Variants in CLMN observed in about 807,000 individuals in gnomAD.
The protein encoded by CLMN is calmin.
Under a neutral mutation model 92.7 loss-of-function variants are expected in CLMN, and 57 were observed. That is an observed-to-expected ratio of 0.61 (90% CI 0.50 to 0.77). CLMN has a LOEUF of 0.77. Among genes scored for constraint, CLMN ranks in the 30% least tolerant of loss-of-function variants. The probability of loss-of-function intolerance (pLI) is 0.00; values close to 1 mark genes in which losing one functional copy is unlikely to be tolerated. For missense variants in CLMN, 1,158 were observed against 1,237.5 expected, an observed-to-expected ratio of 0.94 and a Z score of 0.96; for synonymous variants, 466 against 470.6, an observed-to-expected ratio of 0.99 and a Z score of 0.13.
intron 8 of CLMN, 92 bp downstream of exon 8, chr14:95,209,303 C>T: frequency 8.6e-7 from 1 of 1,156,082 alleles, no homozygotes; most frequent in Non-Finnish European, 1.3e-6. Flanking sequence ...GCTAGTTACA[C>T]AGAGCAACGC....
chr14:95,203,232 T>C lies in CLMN; in HGVS notation c.2117A>G (p.Glu706Gly), dbSNP rs145305362. The change falls in exon 9 of 13, where the codon GAA (glutamate) becomes GGA (glycine). Residue 706 changes from glutamate (E) to glycine (G), a missense_variant. Glu to Gly is a moderately conservative substitution (Grantham distance 98). Coordinates refer to ENST00000298912, the MANE Select transcript of CLMN (RefSeq NM_024734.4). ...SLETLGSHSE[E>G]GLDFKPSPPL... ...TGGGGAGGGCTTGAAATCCAGGCCT[T>C]CTTCGCTGTGACTCCCAAGGGTCTC... is the stretch of plus-strand genomic sequence containing the variant. The C allele has an allele frequency of 6.2e-7, 1 of 1,613,720 alleles. No homozygotes were observed. Among genetic ancestry groups the C allele is most frequent in the African/African-American group, 1.3e-5 (1 of 74,880 alleles).
intron 3 of CLMN, among the ~76,000 whole-genome samples, chr14:95,223,485 C>A (rs1173932090): frequency 2.6e-5 from 4 of 152,058 alleles, no homozygotes; most frequent in Admixed American, 2.6e-4. Flanking sequence ...GGCTGGCTGG[C>A]TAAATTTTAA....
At chr14:95,276,177 G>T (rs989919664) in intron 1 of CLMN, among the ~76,000 whole-genome samples, 11 of 152,216 alleles carry the variant, frequency 7.2e-5, no homozygotes, top group Admixed American at 2.6e-4. Context: ...CTTTGGGTAA[G>T]TGTTTGGGTA....
chr14:95,295,821 G>A (rs1330436264), intron 1 of CLMN, among the ~76,000 whole-genome samples: 1 of 152,268 alleles, frequency 6.6e-6, no homozygotes, highest in Non-Finnish European at 1.5e-5. Flanking sequence ...CCAAAGTAAT[G>A]TGCACCCAAC....
intron 1 of CLMN, among the ~76,000 whole-genome samples, chr14:95,264,751 C>T (rs112017587): frequency 0.014 from 2,073 of 152,126 alleles, 60 homozygotes; most frequent in African/African-American, 0.046. Flanking sequence ...TCTGTGAAGT[C>T]GTTTTTTAGG....
intron 1 of CLMN, among the ~76,000 whole-genome samples, chr14:95,258,680 T>C (rs1288939315): frequency 7.0e-6 from 1 of 143,808 alleles, no homozygotes; most frequent in Non-Finnish European, 1.5e-5. Flanking sequence ...TATGTGTATA[T>C]GTGTGGTGTG....
chr14:95,318,977 G>A (rs889573177), intron 1 of CLMN, among the ~76,000 whole-genome samples: 1 of 152,076 alleles, frequency 6.6e-6, no homozygotes, highest in Non-Finnish European at 1.5e-5. Context: ...ATACCCAGCC[G>A]CTCTCCACCA....
chr14:95,190,747 C>A lies in CLMN; in HGVS notation c.*817G>T, dbSNP rs1896540647. 6.6e-6 allele frequency: 1 copy of A among 152,236 alleles called. No homozygotes were observed. The highest frequency in any genetic ancestry group is 2.4e-5 in the African/African-American group (1 of 41,442). 9.4% of individuals were successfully genotyped at this position (152,236 alleles called of 1,614,324 possible). On this transcript the variant is annotated 3_prime_UTR_variant, in exon 13 of 13. Transcript: ENST00000298912. ...AAGCTACCCCACCACCCAGCTCCAG[C>A]ACTGCTGGGAGCTGATTCCAGCCCA...
At position 95,319,774 on chromosome 14, in the gene CLMN, C is replaced by A. The variant is rs1184252322; in HGVS notation, c.19G>T (p.Asp7Tyr). The A allele has an allele frequency of 6.3e-7, 1 of 1,590,704 alleles. No homozygotes were observed. The highest frequency in any genetic ancestry group is 8.5e-7 in the Non-Finnish European group (1 of 1,173,472). The stretch of plus-strand genomic sequence containing the variant: ...ATGAGCTCCTCGCGTTGGAACCAGT[C>A]CCACTCGTGTGCAGCCATGAAGCGC... MAAHEW[D>Y]WFQREELIGQ... Residue 7 changes from aspartate to tyrosine, a missense_variant, in exon 1 of 13, where the codon GAC (aspartate) becomes TAC (tyrosine). Physicochemically the swap from Asp to Tyr is radical, Grantham distance 160. Transcript: ENST00000298912.
At chr14:95,293,863 T>TCTACGTGA (rs1206688052) in intron 1 of CLMN, among the ~76,000 whole-genome samples, 1 of 152,148 alleles carries the variant, frequency 6.6e-6, no homozygotes, top group African/African-American at 2.4e-5. Context: ...CTGGTGTTGT[T>TCTACGTGA]CTACGTGGTA....
At chr14:95,300,335 T>C (rs956690309) in intron 1 of CLMN, among the ~76,000 whole-genome samples, 1 of 152,232 alleles carries the variant, frequency 6.6e-6, no homozygotes, top group East Asian at 1.9e-4. Flanking sequence ...AGCCAACCTG[T>C]GGAGCCTCTT....
intron 1 of CLMN, among the ~76,000 whole-genome samples, chr14:95,242,250 C>CTTT (rs371417505): frequency 1.4e-4 from 13 of 92,586 alleles, no homozygotes; most frequent in Non-Finnish European, 2.3e-4. Flanking sequence ...TTTTCTTTTT[C>CTTT]TTTTTTTTTT....
chr14:95,256,064 C>A lies in CLMN; in HGVS notation c.83-25931G>T, dbSNP rs1028980083. Among the ~76,000 whole-genome samples, 1 of 152,200 alleles carries A rather than the reference C, an allele frequency of 6.6e-6. No individual in the cohort carries two copies. The highest frequency in any genetic ancestry group is 1.5e-5 in the Non-Finnish European group (1 of 68,038). ...GGAAACTGAGGCACAGAAAGCTTAA[C>A]GAACTTGCCTGCAGTCATACAGCTA... On this transcript the variant is annotated intron_variant, in intron 1 of 12. Transcript: ENST00000298912. The surrounding 1 kb of genome is among the most constrained non-coding windows in gnomAD (Gnocchi z 4.9).
intron 4 of CLMN, among the ~76,000 whole-genome samples, chr14:95,219,828 C>T (rs1161199535): frequency 6.6e-6 from 1 of 152,190 alleles, no homozygotes; most frequent in Non-Finnish European, 1.5e-5. Context: ...ATCCTATTCA[C>T]GCACTCAAAG....
chr14:95,233,063 G>A (rs1005543577), intron 1 of CLMN, among the ~76,000 whole-genome samples: 1 of 152,132 alleles, frequency 6.6e-6, no homozygotes, highest in African/African-American at 2.4e-5. Flanking sequence ...AGGCTGTCCC[G>A]GTTTATGCTT....
chr14:95,195,397 G>T (rs1209753408), intron 10 of CLMN, among the ~76,000 whole-genome samples: 7 of 152,204 alleles, frequency 4.6e-5, no homozygotes, highest in African/African-American at 1.7e-4. Flanking sequence ...CTTCTGTTGT[G>T]CCTTGGCCCT....
intron 1 of CLMN, among the ~76,000 whole-genome samples, chr14:95,302,564 C>T (rs958431957): frequency 2.0e-5 from 3 of 151,958 alleles, no homozygotes; most frequent in African/African-American, 4.8e-5. Flanking sequence ...TATTTTAAAA[C>T]GATTAATGGT....
chr14:95,261,698 G>A (rs968992561), intron 1 of CLMN, among the ~76,000 whole-genome samples: 1 of 152,242 alleles, frequency 6.6e-6, no homozygotes, highest in Non-Finnish European at 1.5e-5. Flanking sequence ...CACAACTGCT[G>A]TCGGGAAGGA....
In CLMN at chr14:95,210,818, C is replaced by T. The variant is rs771710544; in HGVS notation, c.670G>A (p.Val224Met). The T allele has an allele frequency of 3.8e-6, 6 of 1,580,402 alleles. No individual in the cohort carries two copies. The Admixed American group carries it at 9.8e-5, about 26-fold the overall frequency. Residue 224 changes from valine (V) to methionine (M), a missense_variant, in exon 7 of 13, where the codon GTG becomes ATG. By Grantham distance (21) the Val-to-Met change is conservative. Coordinates refer to ENST00000298912, the MANE Select transcript of CLMN (RefSeq NM_024734.4). ...SWRSGLAFLA[V>M]IKAIDPSLVD... ...AGGCTGGGGTCAATGGCCTTGATCA[C>T]CGCCAGGAAAGCCAGCCCACTCCTC...
Sources: allele counts gnomAD v4.1 joint callset (sites outside exome capture counted in the v4.1 genomes callset), GRCh38; gene constraint gnomAD v4.1.1; non-coding constraint Gnocchi (gnomAD v3.1); transcripts MANE v1.5; gene names NCBI Gene and HGNC (gene_info 2026-07-23, HGNC 2026-07-21).